DTNA: variants seen among roughly 807,000 people sequenced by gnomAD.
DTNA encodes dystrophin-related protein 3.
A neutral mutation model predicts 100.7 loss-of-function variants in DTNA; 43 were observed. That is an observed-to-expected ratio of 0.43 (90% confidence interval 0.33 to 0.55). The LOEUF (loss-of-function observed/expected upper bound fraction) is 0.55, where lower values mean the gene tolerates loss of function less well. Among genes scored for constraint, DTNA ranks in the 20% least tolerant of loss-of-function variants. The pLI is 0.04. For missense variants in DTNA, 798 were observed against 953.9 expected (o/e 0.84, Z 2.15); for synonymous variants, 349 against 347.9 (o/e 1.00, Z -0.04).
chr18:34,834,875 G>A (rs368648475), intron 11 of DTNA, among the ~76,000 whole-genome samples: 12 of 152,264 alleles, frequency 7.9e-5, no homozygotes, highest in African/African-American at 2.4e-4. Context: ...TCAAACCATA[G>A]CAATCACTAT....
At chr18:34,646,523 G>A (rs1270418667) in intron 1 of DTNA, among the ~76,000 whole-genome samples, 1 of 152,066 alleles carries the variant, frequency 6.6e-6, no homozygotes, top group African/African-American at 2.4e-5. Flanking sequence ...AACTTTACTT[G>A]ATTTGCCACA....
intron 1 of DTNA, among the ~76,000 whole-genome samples, chr18:34,731,099 G>T (rs1346468457): frequency 6.6e-6 from 1 of 152,106 alleles, no homozygotes; most frequent in Non-Finnish European, 1.5e-5. Context: ...GTCTTCCAAT[G>T]GCCTCCTCTG....
At chr18:34,865,201 C>T (rs1427405146) in intron 17 of DTNA, among the ~76,000 whole-genome samples, 3 of 152,342 alleles carry the variant, frequency 2.0e-5, no homozygotes, top group Non-Finnish European at 4.4e-5. Context: ...GGATGTCCCA[C>T]GGCCCCAACA....
At chr18:34,510,113 T>G (rs2040902375) in intron 1 of DTNA, among the ~76,000 whole-genome samples, 1 of 140,696 alleles carries the variant, frequency 7.1e-6, no homozygotes, top group South Asian at 2.2e-4. Context: ...GTTGTTGTTG[T>G]TTTTTTTTTT....
At chr18:34,602,711 A>G (rs1002348011) in intron 1 of DTNA, among the ~76,000 whole-genome samples, 2 of 151,784 alleles carry the variant, frequency 1.3e-5, no homozygotes, top group Non-Finnish European at 2.9e-5. Context: ...AAAAAAACAA[A>G]CAAACAAACA....
intron 1 of DTNA, among the ~76,000 whole-genome samples, chr18:34,568,733 C>T (rs2047309722): frequency 1.3e-5 from 2 of 152,108 alleles, no homozygotes; most frequent in African/African-American, 2.4e-5. Flanking sequence ...AAGTGATTCT[C>T]CTGACTCAGC....
At chr18:34,738,259 C>T (rs2147620745) in intron 1 of DTNA, among the ~76,000 whole-genome samples, 1 of 152,196 alleles carries the variant, frequency 6.6e-6, no homozygotes. Flanking sequence ...TTGCCATTCT[C>T]TCAAAAAGCA....
intron 1 of DTNA, among the ~76,000 whole-genome samples, chr18:34,563,916 C>G (rs758316438): frequency 3.9e-5 from 6 of 152,120 alleles, no homozygotes; most frequent in Non-Finnish European, 8.8e-5. Flanking sequence ...CTTACACTTC[C>G]TCATCAGTTT....
intron 1 of DTNA, among the ~76,000 whole-genome samples, chr18:34,600,688 A>T (rs1048109846): frequency 1.5e-4 from 23 of 152,342 alleles, no homozygotes; most frequent in African/African-American, 5.5e-4. Flanking sequence ...AGATGCATCC[A>T]ATGTTTGAAG....
chr18:34,629,145 A>G (rs1454125775), intron 1 of DTNA, among the ~76,000 whole-genome samples: 5 of 152,184 alleles, frequency 3.3e-5, no homozygotes, highest in African/African-American at 1.2e-4. Flanking sequence ...TTCTTTATTA[A>G]TAAAGAACAA....
At chr18:34,860,192 G>A (rs989224970) in intron 16 of DTNA, among the ~76,000 whole-genome samples, 5 of 149,632 alleles carry the variant, frequency 3.3e-5, no homozygotes, top group East Asian at 2.0e-4. Context: ...GATTACAGGC[G>A]CGTGCCACCA....
At chr18:34,814,381 TA>T (rs35571311) in intron 6 of DTNA, among the ~76,000 whole-genome samples, 9,256 of 150,554 alleles carry the variant, frequency 0.061, 417 homozygotes, top group Non-Finnish European at 0.091. Flanking sequence ...GACTGGGTTT[TA>T]AAAAAAAAAT....
chr18:34,587,908 A>G (rs2049302457), intron 1 of DTNA, among the ~76,000 whole-genome samples: 1 of 152,184 alleles, frequency 6.6e-6, no homozygotes, highest in Non-Finnish European at 1.5e-5. Context: ...TCGGGCCTAG[A>G]CAAAACAGAA....
In DTNA at chr18:34,551,854, G is replaced by A. The variant is rs79477719; in HGVS notation, c.-2+58340G>A. 3.2e-3 allele frequency among the ~76,000 whole-genome samples: 484 copies of A among 152,188 alleles called. 2 individuals carry two copies. Among genetic ancestry groups the A allele is most frequent in the African/African-American group, 0.011 (457 of 41,552 alleles). ...TACAATGAAAATTTACCTCTGTGACGCATAAGACCCAAATAATGTGATCTT... is the reference window on the plus strand; with the variant it reads ...TACAATGAAAATTTACCTCTGTGACACATAAGACCCAAATAATGTGATCTT... On this transcript the variant is annotated intron_variant, in intron 1 of 19. Coordinates refer to the DTNA transcript ENST00000283365.
intron 6 of DTNA, among the ~76,000 whole-genome samples, chr18:34,815,326 AGAAGCAGACT>A (rs2095573083): frequency 6.6e-6 from 1 of 152,166 alleles, no homozygotes; most frequent in South Asian, 2.1e-4. Context: ...ATAGTGAGAA[AGAAGCAGACT>A]GAATTGAGAG....
chr18:34,504,106 T>G (rs893845497), intron 1 of DTNA: 1 of 152,114 alleles, frequency 6.6e-6, no homozygotes, highest in Non-Finnish European at 1.5e-5. Flanking sequence ...TCTGCCCACC[T>G]CGGCCTCCCA....
chr18:34,643,166 G>T (rs2059482654), intron 1 of DTNA, among the ~76,000 whole-genome samples: 1 of 152,214 alleles, frequency 6.6e-6, no homozygotes. Context: ...GGCAAGATGT[G>T]TCATGGCTCT....
intron 1 of DTNA, among the ~76,000 whole-genome samples, chr18:34,530,295 A>T (rs150752820): frequency 1.6e-4 from 24 of 152,134 alleles, no homozygotes; most frequent in Middle Eastern, 3.4e-3. Flanking sequence ...AAAAATGGTA[A>T]ATCTTTTAAA....
At chr18:34,799,566 A>T (rs1307045373) in intron 4 of DTNA, among the ~76,000 whole-genome samples, 1 of 152,246 alleles carries the variant, frequency 6.6e-6, no homozygotes, top group Non-Finnish European at 1.5e-5. Context: ...AAGACTAGAT[A>T]TTTAAAACAG....
Sources: allele counts gnomAD v4.1 joint callset (sites outside exome capture counted in the v4.1 genomes callset), GRCh38; gene constraint gnomAD v4.1.1; transcripts MANE v1.5; gene names NCBI Gene and HGNC (gene_info 2026-07-23, HGNC 2026-07-21).